HSPA14: variants seen among roughly 807,000 people sequenced by gnomAD.
HSPA14 encodes the protein heat shock 70 kDa protein 14.
Under a neutral mutation model 65.5 loss-of-function variants are expected in HSPA14, and 37 were observed. The ratio of observed to expected loss-of-function variants is 0.56; its 90% CI spans 0.43 to 0.74. The LOEUF (loss-of-function observed/expected upper bound fraction) is 0.74. HSPA14 is among the 30% of genes least tolerant of loss of function. The pLI is 0.00. For synonymous variants in HSPA14, 203 were observed against 214.2 expected, an observed-to-expected ratio of 0.95 and a Z score of 0.46; for missense variants, 564 against 607.6, an observed-to-expected ratio of 0.93 and a Z score of 0.75.
At chr10:14,848,689 A>T (rs540257564) in intron 4 of HSPA14, 32 bp downstream of exon 4, 1 of 1,562,226 alleles carries the variant, frequency 6.4e-7, no homozygotes, top group African/African-American at 1.4e-5. Flanking sequence ...CTTCCCTGTT[A>T]CATAGAGTAA....
intron 3 of HSPA14, chr10:14,844,408 CT>C: frequency 1.0e-6 from 1 of 994,512 alleles, no homozygotes; most frequent in Non-Finnish European, 1.2e-6. Flanking sequence ...TTGCTTGAAT[CT>C]TTCCTTTGCT....
At chr10:14,843,382 G>A in intron 3 of HSPA14, 5 of 1,550,788 alleles carry the variant, frequency 3.2e-6, no homozygotes. Context: ...GTGCTCTCAA[G>A]GGACCCCCAG....
intron 10 of HSPA14, among the ~76,000 whole-genome samples, chr10:14,863,960 G>C (rs892314434): frequency 7.4e-6 from 1 of 134,620 alleles, no homozygotes; most frequent in African/African-American, 2.8e-5. Context: ...TACCAAAAAA[G>C]AGGTTGTGTA....
At chr10:14,868,599 TGAG>T (rs1377273206) in intron 12 of HSPA14, among the ~76,000 whole-genome samples, 1 of 152,054 alleles carries the variant, frequency 6.6e-6, no homozygotes, top group Admixed American at 6.6e-5. Context: ...TGAGTGTGTG[TGAG>T]GAGGTAGTAT....
chr10:14,863,355 G>C (rs1376447626), intron 10 of HSPA14, among the ~76,000 whole-genome samples: 2 of 152,156 alleles, frequency 1.3e-5, no homozygotes, highest in African/African-American at 4.8e-5. Context: ...GGTCTTAAAG[G>C]AGTGCCTTAG....
chr10:14,870,567 A>G, intron 12 of HSPA14, 30 bp from the exon 13 acceptor site: 2 of 1,567,108 alleles, frequency 1.3e-6, no homozygotes, highest in East Asian at 4.6e-5. Flanking sequence ...AAGATGCTGA[A>G]TTCTCTTCAT....
At chr10:14,863,604 C>A (rs1460568772) in intron 10 of HSPA14, among the ~76,000 whole-genome samples, 2 of 152,168 alleles carry the variant, frequency 1.3e-5, no homozygotes, top group Non-Finnish European at 2.9e-5. Flanking sequence ...CTTGTGTCCA[C>A]AGAGCATGAC....
In HSPA14 at chr10:14,871,712, A is replaced by T. The variant is rs1433248482; in HGVS notation, c.*106A>T. On this transcript the variant is annotated 3_prime_UTR_variant, in exon 14 of 14. Coordinates refer to ENST00000378372, the MANE Select transcript of HSPA14 (RefSeq NM_016299.4). ...ACTTTTTCAATGAACTGTATAAACT[A>T]TGTTTTATTAAACTACAATATATCA... is the stretch of plus-strand genomic sequence containing the variant. The T allele has an allele frequency of 1.8e-6, 1 of 562,856 alleles. No individual in the cohort carries two copies. The highest frequency in any genetic ancestry group is 3.1e-6 in the Non-Finnish European group (1 of 324,044). 34.9% of individuals were successfully genotyped at this position (562,856 alleles called of 1,614,324 possible).
chr10:14,844,957 C>T, intron 3 of HSPA14: 1 of 985,434 alleles, frequency 1.0e-6, no homozygotes, highest in Non-Finnish European at 1.2e-6. Flanking sequence ...TCCTTTTCCT[C>T]AGATGTTGTA....
intron 9 of HSPA14, among the ~76,000 whole-genome samples, chr10:14,854,560 A>C (rs766697539): frequency 6.6e-6 from 1 of 152,202 alleles, no homozygotes; most frequent in Non-Finnish European, 1.5e-5. Context: ...GATAAAGTAC[A>C]AAGGGAGGAC....
intron 3 of HSPA14, chr10:14,846,905 T>C (rs1588809482): frequency 2.0e-6 from 2 of 985,458 alleles, no homozygotes; most frequent in South Asian, 9.4e-5. Flanking sequence ...AAGTCCATCA[T>C]GTAAATAAGG....
intron 3 of HSPA14, among the ~76,000 whole-genome samples, chr10:14,847,348 G>T (rs148002570): frequency 6.6e-6 from 1 of 152,090 alleles, no homozygotes; most frequent in Non-Finnish European, 1.5e-5. Context: ...TGCAAAACCC[G>T]CTATGAGCAC....
chr10:14,843,634 G>C, intron 3 of HSPA14: 5 of 1,550,384 alleles, frequency 3.2e-6, no homozygotes, highest in East Asian at 2.4e-5. Flanking sequence ...AAGGCGGTCA[G>C]TGGCCAGGAC....
chr10:14,853,653 A>G (rs1161806286), intron 8 of HSPA14, among the ~76,000 whole-genome samples: 2 of 152,204 alleles, frequency 1.3e-5, no homozygotes, highest in African/African-American at 4.8e-5. Context: ...TGTTTTAGGA[A>G]AGTTTAGAGG....
In HSPA14 at chr10:14,867,848, G is replaced by T. The variant is rs1027944219; in HGVS notation, c.1319G>T (p.Cys440Phe). 7 of 1,614,128 alleles carry T rather than the reference G, an allele frequency of 4.3e-6. No homozygotes were observed. Among genetic ancestry groups the T allele is most frequent in the Middle Eastern group, 1.6e-4 (1 of 6,062 alleles). Residue 440 changes from cysteine (C) to phenylalanine (F), a missense_variant, in exon 12 of 14, where the codon TGC (cysteine) becomes TTC (phenylalanine). By Grantham distance (205) the Cys-to-Phe change is radical. Coordinates refer to ENST00000378372, the MANE Select transcript of HSPA14 (RefSeq NM_016299.4). ...GCCCCTGGAAGCATATCTTCAGTGT[G>T]CCTTGAACTCTATGAGTCTGATGGG... ...LQAPGSISSV[C>F]LELYESDGKN...
At chr10:14,840,045 T>TAC (rs1833952536) in intron 2 of HSPA14, 30 bp from the exon 3 acceptor site, 1 of 1,095,194 alleles carries the variant, frequency 9.1e-7, no homozygotes, top group Non-Finnish European at 1.2e-6. Context: ...CATTGTAATA[T>TAC]ATATATATAT....
rs61268211 is a variant in HSPA14 at position 14,871,517 on chromosome 10, TG to T, written c.1452-10del. 1,226 of 1,520,332 alleles carry T rather than the reference TG, an allele frequency of 8.1e-4. 7 individuals are homozygous for T. The African/African-American group carries it at 0.015, about 19-fold the overall frequency. The allele number at this position is 1,520,332 out of a possible 1,614,324, so 94.2% of individuals were successfully genotyped here. A position where few individuals can be genotyped will look rare whatever the true frequency, so the allele number is the denominator to read the frequency against. ...GCTTGTGCAATGTTCTTTATTTTTT[TG>T]TCTGTTTAGGGATGGATCTTTACAT... is the stretch of plus-strand genomic sequence containing the variant. On this transcript the variant is annotated splice_polypyrimidine_tract_variant and intron_variant, in intron 13 of 13. Transcript: ENST00000378372.
intron 3 of HSPA14, chr10:14,845,410 A>G (rs1564320575): frequency 2.0e-6 from 2 of 985,256 alleles, no homozygotes; most frequent in African/African-American, 1.7e-5. Flanking sequence ...AGAAATGGTC[A>G]GAGCAGCAGT....
chr10:14,852,134 T>G (rs1260567760), intron 7 of HSPA14, among the ~76,000 whole-genome samples: 3 of 152,190 alleles, frequency 2.0e-5, no homozygotes, highest in Non-Finnish European at 4.4e-5. Context: ...AACTCCTTAC[T>G]CAGAAGAATA....
Sources: allele counts gnomAD v4.1 joint callset (sites outside exome capture counted in the v4.1 genomes callset), GRCh38; gene constraint gnomAD v4.1.1; transcripts MANE v1.5; gene names NCBI Gene and HGNC (gene_info 2026-07-23, HGNC 2026-07-21).